The following ALPK3 variants were observed in gnomAD, a reference collection of about 807,000 sequenced individuals.
ALPK3 encodes the protein alpha kinase 3, also known as alpha-protein kinase 3.
Under a neutral mutation model 140.0 loss-of-function variants are expected in ALPK3, and 102 were observed. The observed-to-expected ratio is 0.73, with a 90% CI of 0.62 to 0.86. The LOEUF is 0.86. Among genes scored for constraint, ALPK3 ranks in the 40% least tolerant of loss-of-function variants. The pLI, the probability that ALPK3 is intolerant of heterozygous loss-of-function variation, is 0.00. For synonymous variants in ALPK3, 938 were observed against 898.5 expected (o/e 1.04, Z -0.79); for missense variants, 2,254 against 2,208.2 (o/e 1.02, Z -0.42).
intron 3 of ALPK3, among the ~76,000 whole-genome samples, chr15:84,828,350 G>A (rs1430952490): frequency 6.6e-6 from 1 of 152,166 alleles, no homozygotes; most frequent in African/African-American, 2.4e-5. Context: ...GATAATGGGT[G>A]GGAGTGCTGG....
Position 84,868,322 on chromosome 15 carries a change from C to G in ALPK3, c.4984C>G (p.Pro1662Ala). 6.2e-7 allele frequency: 1 copy of G among 1,614,114 alleles called. No individual in the cohort carries two copies. Among genetic ancestry groups the G allele is most frequent in the Non-Finnish European group, 8.5e-7 (1 of 1,180,000 alleles). Residue 1662 changes from proline (P) to alanine (A), a missense_variant, in exon 14 of 14, where the codon CCT becomes GCT. Physicochemically the swap from Pro to Ala is conservative, Grantham distance 27. This residue lies in a region of ALPK3 where 158 missense variants were observed against 159.8 expected (regional missense o/e 0.99). Transcript: ENST00000258888. ...LSPQPQKKGL[P>A]SPQGTRKSAP... ...TCCTCAGCCCCAGAAGAAAGGCCTCCCTAGTCCTCAGGGCACCCGGAAGAG... is the reference window on the plus strand; with the variant it reads ...TCCTCAGCCCCAGAAGAAAGGCCTCGCTAGTCCTCAGGGCACCCGGAAGAG...
chr15:84,858,320 G>C lies in ALPK3; in HGVS notation c.3582G>C (p.Arg1194=), dbSNP rs1307777984. 5 of 1,563,526 alleles carry C rather than the reference G, an allele frequency of 3.2e-6. No individual in the cohort carries two copies. Among genetic ancestry groups the C allele is most frequent in the Admixed American group, 1.9e-5 (1 of 52,326 alleles). ...GGGAGAGCCCCACGGTTTCCCCCCGGGGGCCCAGGAAAAGCCTGGTGCCTG... is the reference window on the plus strand; with the variant it reads ...GGGAGAGCCCCACGGTTTCCCCCCGCGGGCCCAGGAAAAGCCTGGTGCCTG... ...EERESPTVSP[R]GPRKSLVPGS... is the part of the protein sequence containing the mutation. Residue 1194 remains arginine, a synonymous_variant, in exon 6 of 14, where the codon CGG becomes CGC. Transcript: ENST00000258888.
intron 5 of ALPK3, among the ~76,000 whole-genome samples, chr15:84,847,224 A>G (rs979092107): frequency 3.3e-5 from 5 of 150,560 alleles, no homozygotes; most frequent in Non-Finnish European, 5.9e-5. Context: ...AGAGAGAGAG[A>G]GAGAGAGAGA....
chr15:84,857,952 C>G lies in ALPK3; in HGVS notation c.3214C>G (p.Pro1072Ala). ...WGPGPSSLTV[P>A]AIVVDEEDPG... ...TCCTGGTCCCAGCTCCCTCACTGTC[C>G]CTGCCATTGTGGTAGACGAGGAGGA... The change falls in exon 6 of 14, where the codon CCT (proline) becomes GCT (alanine). Residue 1072 changes from proline to alanine, a missense_variant. Physicochemically the swap from Pro to Ala is conservative, Grantham distance 27. Around this residue, in one of 3 missense-constraint regions of ALPK3, gnomAD observed 2,088 missense variants for 2,022.9 expected, o/e 1.03. Coordinates refer to ENST00000258888, the MANE Select transcript of ALPK3 (RefSeq NM_020778.5). 1 of 1,609,570 alleles carries G rather than the reference C, an allele frequency of 6.2e-7. No homozygotes were observed. Among genetic ancestry groups the G allele is most frequent in the Non-Finnish European group, 8.5e-7 (1 of 1,178,380 alleles).
rs1009245704 is a variant in ALPK3 at position 84,867,988 on chromosome 15, C to A, written c.4773-123C>A. 2.0e-6 allele frequency: 2 copies of A among 989,894 alleles called. 1 individual carries two copies. The allele number at this position is 989,894 out of a possible 1,614,324, so 61.3% of individuals were successfully genotyped here. On this transcript the variant is annotated intron_variant, in intron 13 of 13. Coordinates refer to ENST00000258888, the MANE Select transcript of ALPK3 (RefSeq NM_020778.5). ...AGCACCAAGGGAGAGTCCCCATCAC[C>A]CTCAGATAAGGTAGGATGTACCCTG...
At chr15:84,819,277 T>G in intron 1 of ALPK3, among the ~76,000 whole-genome samples, 1 of 152,228 alleles carries the variant, frequency 6.6e-6, no homozygotes, top group African/African-American at 2.4e-5. Context: ...GGGAATGTTC[T>G]TAAAAGGAGT....
At chr15:84,833,774 C>G (rs1250262241) in intron 3 of ALPK3, among the ~76,000 whole-genome samples, 4 of 152,304 alleles carry the variant, frequency 2.6e-5, no homozygotes, top group African/African-American at 9.6e-5. Context: ...AGAAGACAGG[C>G]AAGGCCCTGG....
Position 84,859,778 on chromosome 15 carries a change from C to T in ALPK3, c.3968C>T (p.Ala1323Val). Residue 1323 changes from alanine (A) to valine (V), a missense_variant and splice_region_variant, in exon 8 of 14, where the codon GCA (alanine) becomes GTA (valine). Around this residue, in one of 3 missense-constraint regions of ALPK3, gnomAD observed 2,088 missense variants for 2,022.9 expected, o/e 1.03. Coordinates refer to ENST00000258888, the MANE Select transcript of ALPK3 (RefSeq NM_020778.5). ...QRPVGEVGRS[A>V]GDEGPAALAI... ...CGAGTAGGGTCTCCACTCTGCAGCG[C>T]AGGGGATGAGGGGCCGGCGGCCTTG... is the stretch of plus-strand genomic sequence containing the variant. 6.2e-7 allele frequency: 1 copy of T among 1,611,842 alleles called. No individual in the cohort carries two copies. The highest frequency in any genetic ancestry group is 8.5e-7 in the Non-Finnish European group (1 of 1,179,642).
chr15:84,838,134 G>A (rs564387083), intron 3 of ALPK3, among the ~76,000 whole-genome samples: 5 of 151,382 alleles, frequency 3.3e-5, no homozygotes, highest in Non-Finnish European at 7.4e-5. Flanking sequence ...AGGTGTAGAT[G>A]TGTGGACAGA....
chr15:84,840,566 TG>T lies in ALPK3; in HGVS notation c.1291del (p.Glu431LysfsTer7). 6.3e-7 allele frequency: 1 copy of T among 1,584,332 alleles called. No homozygotes were observed. Among genetic ancestry groups the T allele is most frequent in the South Asian group, 1.2e-5 (1 of 85,642 alleles). The part of the protein sequence containing the change: ...LENTQAVRPL[G>X]EEGPQTLSVR... ...AGAACACCCAGGCAGTCAGGCCTCT[TG>T]GGGAAGAGGGACCCCAGACCCTGAG... is the stretch of plus-strand genomic sequence containing the variant. On this transcript the variant is annotated frameshift_variant, in exon 5 of 14. Transcript: ENST00000258888. LOFTEE classifies it high-confidence loss of function.
intron 5 of ALPK3, among the ~76,000 whole-genome samples, chr15:84,848,924 C>T (rs1963766467): frequency 6.6e-6 from 1 of 152,024 alleles, no homozygotes; most frequent in Non-Finnish European, 1.5e-5. Context: ...GGCAGATCAC[C>T]TGAGGTCGGG....
Position 84,868,724 on chromosome 15 carries a change from C to A in ALPK3, c.*268C>A. The A allele has an allele frequency of 3.9e-6, 2 of 511,302 alleles. No homozygotes were observed. The highest frequency in any genetic ancestry group is 3.3e-5 in the Admixed American group (1 of 30,460). 31.7% of individuals were successfully genotyped at this position (511,302 alleles called of 1,614,324 possible). A position where few individuals can be genotyped will look rare whatever the true frequency, so the allele number is the denominator to read the frequency against. ...TCCCCACCTCCAAGTGCCTGGCAAC[C>A]TAGGCCCTCCTTGAAGTTTACACTT... On this transcript the variant is annotated 3_prime_UTR_variant, in exon 14 of 14. Coordinates refer to ENST00000258888, the MANE Select transcript of ALPK3 (RefSeq NM_020778.5).
chr15:84,863,032 T>C (rs1963966905), intron 10 of ALPK3, 117 bp downstream of exon 10: 3 of 1,371,884 alleles, frequency 2.2e-6, no homozygotes, highest in Non-Finnish European at 2.0e-6. Context: ...GTCTCAACCT[T>C]ATGAGGCTCC....
At position 84,840,785 on chromosome 15, in the gene ALPK3, G is replaced by A. The variant is rs966914903; in HGVS notation, c.1506G>A (p.Leu502=). The change falls in exon 5 of 14, where the codon CTG becomes CTA. Residue 502 remains leucine (L), a synonymous_variant. Transcript: ENST00000258888. The part of the protein sequence containing the change: ...ATTDSKPISS[L]SQAPECGAQS... ...CTGACAGCAAGCCCATTTCTTCTCT[G>A]AGTCAAGCTCCAGAATGCGGGGCCC... The A allele has an allele frequency of 6.2e-7, 1 of 1,614,246 alleles. No individual in the cohort carries two copies. Among genetic ancestry groups the A allele is most frequent in the African/African-American group, 1.3e-5 (1 of 75,066 alleles).
Position 84,840,430 on chromosome 15 carries a change from A to G in ALPK3, c.1151A>G (p.Asp384Gly), listed in dbSNP as rs1177884329. ...CGGGGGCCTGGGTCCTCTGGCACAG[A>G]TAGTACCAGGAAGCCAGCCTCTGCT... Reference protein sequence around the residue: ...AARGPGSSGTDSTRKPASAVG... With the variant: ...AARGPGSSGTGSTRKPASAVG... The change falls in exon 5 of 14, where the codon GAT becomes GGT. Residue 384 changes from aspartate to glycine, a missense_variant. Physicochemically the swap from Asp to Gly is moderately conservative, Grantham distance 94. Around this residue, in one of 3 missense-constraint regions of ALPK3, gnomAD observed 2,088 missense variants for 2,022.9 expected, o/e 1.03. Transcript: ENST00000258888. The G allele has an allele frequency of 3.1e-6, 5 of 1,613,824 alleles. No individual in the cohort carries two copies. The highest frequency in any genetic ancestry group is 4.2e-6 in the Non-Finnish European group (5 of 1,179,888).
At chr15:84,866,577 G>A (rs1964005830) in intron 12 of ALPK3, among the ~76,000 whole-genome samples, 1 of 152,188 alleles carries the variant, frequency 6.6e-6, no homozygotes. Flanking sequence ...CCTAATGTGT[G>A]AATACTAAGA....
intron 3 of ALPK3, among the ~76,000 whole-genome samples, chr15:84,830,767 A>G (rs1170782628): frequency 6.6e-6 from 1 of 152,202 alleles, no homozygotes; most frequent in Non-Finnish European, 1.5e-5. Context: ...GCATGATCAC[A>G]GATCACTGCA....
chr15:84,851,024 G>A (rs1963797826), intron 5 of ALPK3, among the ~76,000 whole-genome samples: 1 of 151,968 alleles, frequency 6.6e-6, no homozygotes, highest in Non-Finnish European at 1.5e-5. Flanking sequence ...GCCTGTACTG[G>A]GCCCTCTTCA....
Position 84,857,253 on chromosome 15 carries a change from C to T in ALPK3, c.2515C>T (p.Pro839Ser), listed in dbSNP as rs752796329. 21 of 1,614,064 alleles carry T rather than the reference C, an allele frequency of 1.3e-5. No individual in the cohort carries two copies. The highest frequency in any genetic ancestry group is 1.8e-5 in the Non-Finnish European group (21 of 1,179,978). ...AKQEDSPFQC[P>S]KEERPGGVPC... is the part of the protein sequence containing the mutation. Reference sequence around the variant, plus strand: ...GCAGGAGGACAGCCCGTTCCAGTGCCCCAAGGAGGAGCGGCCAGGGGGAGT... The same window carrying T: ...GCAGGAGGACAGCCCGTTCCAGTGCTCCAAGGAGGAGCGGCCAGGGGGAGT... The change falls in exon 6 of 14, where the codon CCC (proline) becomes TCC (serine). Residue 839 changes from proline (P) to serine (S), a missense_variant. Coordinates refer to ENST00000258888, the MANE Select transcript of ALPK3 (RefSeq NM_020778.5).
Sources: allele counts gnomAD v4.1 joint callset (sites outside exome capture counted in the v4.1 genomes callset), GRCh38; gene constraint gnomAD v4.1.1; regional missense constraint gnomAD v4.1.1; transcripts MANE v1.5; gene names NCBI Gene and HGNC (gene_info 2026-07-23, HGNC 2026-07-21).